Variants in WDFY3 observed in about 807,000 individuals in gnomAD.
The protein encoded by WDFY3 is WD repeat and FYVE domain containing 3.
WDFY3 carries 66 observed loss-of-function variants against 409.6 expected under a neutral mutation model. The ratio of observed to expected loss-of-function variants is 0.16; its 90% confidence interval spans 0.13 to 0.20. WDFY3 has a LOEUF of 0.20. WDFY3 is among the 10% of genes least tolerant of loss of function. WDFY3 has a pLI of 1.00. For synonymous variants in WDFY3, 1,521 were observed against 1,537.1 expected (o/e 0.99, Z 0.25); for missense variants, 3,031 against 4,298.1 (o/e 0.71, Z 8.24).
chr4:84,684,082 C>T lies in WDFY3; in HGVS notation c.9587G>A (p.Ser3196Asn). The T allele has an allele frequency of 6.2e-7, 1 of 1,611,156 alleles. No individual in the cohort carries two copies. The highest frequency in any genetic ancestry group is 1.7e-5 in the Admixed American group (1 of 59,970). The stretch of plus-strand genomic sequence containing the variant: ...ACTCACGATAGGGTTCCCATTGATG[C>T]TCCACACATGGATATATGTGCCAGC... ...SCAGTYIHVW[S>N]INGNPIVSVN... The change falls in exon 63 of 68, where the codon AGC becomes AAC. Residue 3196 changes from serine to asparagine, a missense_variant. By Grantham distance (46) the Ser-to-Asn change is conservative (BLOSUM62 1). Coordinates refer to ENST00000295888, the MANE Select transcript of WDFY3 (RefSeq NM_014991.6).
At position 84,696,829 on chromosome 4, in the gene WDFY3, C is replaced by T. The variant is rs2148895299; in HGVS notation, c.8597-6G>A. 1 of 1,607,534 alleles carries T rather than the reference C, an allele frequency of 6.2e-7. No homozygotes were observed. Among genetic ancestry groups the T allele is most frequent in the Non-Finnish European group, 8.5e-7 (1 of 1,176,016 alleles). ...GGTGCCATTTTGTTTACAGCCTATG[C>T]AATTGGATACATTAAAAATAAAAAA... On this transcript the variant is annotated splice_polypyrimidine_tract_variant and splice_region_variant and intron_variant, in intron 56 of 67. Transcript: ENST00000295888.
At chr4:84,945,185 A>G (rs1022664283) in intron 1 of WDFY3, among the ~76,000 whole-genome samples, 1 of 152,206 alleles carries the variant, frequency 6.6e-6, no homozygotes, top group South Asian at 2.1e-4. Flanking sequence ...TCCTTGCTCA[A>G]TAGGTTCATG....
In WDFY3 at chr4:84,679,207, C is replaced by A; in HGVS notation, c.9859G>T (p.Glu3287Ter). Residue 3287 changes from glutamate (E) to a stop codon, truncating the protein, a stop_gained, in exon 65 of 68, where the codon GAA becomes TAA. Transcript: ENST00000295888. LOFTEE classifies it high-confidence loss of function. The part of the protein sequence containing the change: ...EAQDEDSSDS[E>*]ADEQSISQDP... ...TGGCTGATGCTCTGCTCATCTGCTT[C>A]TGAATCACTGCTGTCCTCGTCTTGG... The A allele has an allele frequency of 6.3e-7, 1 of 1,587,326 alleles. No homozygotes were observed. The highest frequency in any genetic ancestry group is 8.6e-7 in the Non-Finnish European group (1 of 1,163,798).
Position 84,810,165 on chromosome 4 carries a change from G to A in WDFY3, c.2067C>T (p.Phe689=). 1 of 1,614,164 alleles carries A rather than the reference G, an allele frequency of 6.2e-7. No individual in the cohort carries two copies. Among genetic ancestry groups the A allele is most frequent in the Non-Finnish European group, 8.5e-7 (1 of 1,180,006 alleles). ...AGCGCATTGCTGCAGTCAACGTGCA[G>A]AACACAGTGTGAAGAAGTTCAAACA... ...NQVFELLHTV[F]CTLTAAMRYE... is the part of the protein sequence containing the mutation. Residue 689 remains phenylalanine (F), a synonymous_variant, in exon 14 of 68, where the codon TTC becomes TTT. Transcript: ENST00000295888.
intron 2 of WDFY3, among the ~76,000 whole-genome samples, chr4:84,922,102 A>G (rs1769369748): frequency 6.6e-6 from 1 of 152,076 alleles, no homozygotes; most frequent in South Asian, 2.1e-4. Flanking sequence ...GGATTCTAGT[A>G]TTCTACTTGA....
intron 61 of WDFY3, among the ~76,000 whole-genome samples, chr4:84,688,550 A>G (rs115126198): frequency 0.011 from 1,695 of 152,312 alleles, 27 homozygotes; most frequent in African/African-American, 0.039. Flanking sequence ...TAGAAGGAAG[A>G]GGGAATGACA....
chr4:84,829,770 G>A (rs973359825), intron 8 of WDFY3, among the ~76,000 whole-genome samples: 1 of 149,130 alleles, frequency 6.7e-6, no homozygotes, highest in Non-Finnish European at 1.5e-5. Flanking sequence ...TCACGCCACT[G>A]CACTGCACTA....
chr4:84,796,133 G>A (rs1040729888), intron 19 of WDFY3, among the ~76,000 whole-genome samples: 8 of 151,238 alleles, frequency 5.3e-5, no homozygotes, highest in African/African-American at 1.9e-4. Flanking sequence ...AATGCTTTGT[G>A]AACCAGGCAG....
chr4:84,711,822 G>C (rs888676137), intron 51 of WDFY3, among the ~76,000 whole-genome samples: 3 of 151,628 alleles, frequency 2.0e-5, no homozygotes, highest in South Asian at 2.1e-4. Context: ...CTGCACTCCA[G>C]CCTGGGCAAC....
At position 84,688,100 on chromosome 4, in the gene WDFY3, T is replaced by C. The variant is rs1171071381; in HGVS notation, c.9529A>G (p.Ile3177Val). 1 of 1,613,854 alleles carries C rather than the reference T, an allele frequency of 6.2e-7. No homozygotes were observed. The highest frequency in any genetic ancestry group is 2.2e-5 in the East Asian group (1 of 44,882). Reference protein sequence around the residue: ...GHRAPVSALCINELTGDIVSC... With the variant: ...GHRAPVSALCVNELTGDIVSC... ...TTACTACTTACTGTTAATTCATTGA[T>C]ACAAAGAGCAGAAACTGGAGCTCGA... is the stretch of plus-strand genomic sequence containing the variant. Residue 3177 changes from isoleucine to valine, a missense_variant, in exon 62 of 68, where the codon ATC becomes GTC. Physicochemically the swap from Ile to Val is conservative, Grantham distance 29. Around this residue, in one of 16 missense-constraint regions of WDFY3, gnomAD observed 378 missense variants for 477.3 expected, o/e 0.79. Transcript: ENST00000295888.
At chr4:84,766,050 A>G (rs1743575833) in intron 31 of WDFY3, 23 bp from the exon 32 acceptor site, 1 of 1,583,010 alleles carries the variant, frequency 6.3e-7, no homozygotes, top group Non-Finnish European at 8.6e-7. Context: ...GATGGATTTA[A>G]AAAACAAAAA....
intron 64 of WDFY3, among the ~76,000 whole-genome samples, chr4:84,680,813 G>A (rs139905036): frequency 2.6e-5 from 4 of 152,216 alleles, no homozygotes; most frequent in Non-Finnish European, 5.9e-5. Flanking sequence ...TATACAGGAG[G>A]GTGTTAGTAG....
At position 84,757,059 on chromosome 4, in the gene WDFY3, G is replaced by T. The variant is rs1404184029; in HGVS notation, c.5291C>A (p.Pro1764His). The change falls in exon 33 of 68, where the codon CCT becomes CAT. Residue 1764 changes from proline to histidine, a missense_variant. Physicochemically the swap from Pro to His is moderately conservative, Grantham distance 77. Coordinates refer to ENST00000295888, the MANE Select transcript of WDFY3 (RefSeq NM_014991.6). ...GAGGGCAGGGACATTAGTGTGTTTA[G>T]GAAGGAATGACTGAAGGACTGGAAA... Reference protein sequence around the residue: ...PGFPVLQSFLPKHTNVPALYF... With the variant: ...PGFPVLQSFLHKHTNVPALYF... 1 of 1,614,032 alleles carries T rather than the reference G, an allele frequency of 6.2e-7. No homozygotes were observed. Among genetic ancestry groups the T allele is most frequent in the Non-Finnish European group, 8.5e-7 (1 of 1,179,960 alleles).
At chr4:84,837,144 C>T in intron 6 of WDFY3, 54 bp from the exon 7 acceptor site, 3 of 1,347,022 alleles carry the variant, frequency 2.2e-6, no homozygotes, top group African/African-American at 1.5e-5. Context: ...ATAATTGGTA[C>T]AGCCAAATAA....
At chr4:84,791,455 G>GAA (rs1384684461) in intron 21 of WDFY3, among the ~76,000 whole-genome samples, 1 of 151,918 alleles carries the variant, frequency 6.6e-6, no homozygotes. Flanking sequence ...GAGGCAAGAG[G>GAA]AAAAAAAGCT....
Position 84,780,525 on chromosome 4 carries a change from G to A in WDFY3, c.4175-227C>T, listed in dbSNP as rs112019851. Among the ~76,000 whole-genome samples the A allele has an allele frequency of 6.8e-4, 104 of 152,212 alleles. 1 individual carries two copies. The highest frequency in any genetic ancestry group is 1.9e-3 in the African/African-American group (79 of 41,544). On this transcript the variant is annotated intron_variant, in intron 25 of 67. Transcript: ENST00000295888. ...TGTAATCCCAGCACTTTGGGAGGCC[G>A]AAGCAAGTGGATCACAAGGTCAGGA...
At chr4:84,790,476 G>C (rs1036082229) in intron 21 of WDFY3, among the ~76,000 whole-genome samples, 1 of 152,046 alleles carries the variant, frequency 6.6e-6, no homozygotes, top group East Asian at 1.9e-4. Context: ...AAGAAATATA[G>C]GTATAATCAC....
chr4:84,744,852 C>CA (rs1165273561), intron 36 of WDFY3, among the ~76,000 whole-genome samples: 855 of 15,568 alleles, frequency 0.055, 103 homozygotes, highest in African/African-American at 0.091. Flanking sequence ...GACTCCGTCT[C>CA]AAAAAAAAAA....
intron 47 of WDFY3, 138 bp from the exon 48 acceptor site, chr4:84,718,708 A>C: frequency 9.4e-7 from 1 of 1,058,340 alleles, no homozygotes; most frequent in Admixed American, 2.9e-5. Flanking sequence ...CTTAGATTAC[A>C]GTCTGATTTA....
Sources: gnomAD v4.1 joint callset for allele counts (sites outside exome capture counted in the v4.1 genomes callset) on GRCh38, gnomAD v4.1.1 for gene constraint, gnomAD v4.1.1 regional missense constraint, MANE v1.5 for transcripts, NCBI Gene and HGNC (gene_info 2026-07-23, HGNC 2026-07-21) for gene names.